The following SENP7 variants were observed in gnomAD, a reference collection of about 807,000 sequenced individuals.
SENP7 encodes SUMO specific peptidase 7.
A neutral mutation model predicts 141.2 loss-of-function variants in SENP7; 64 were observed. The ratio of observed to expected loss-of-function variants is 0.45; its 90% CI spans 0.37 to 0.56. The LOEUF (loss-of-function observed/expected upper bound fraction) is 0.56, where lower values mean the gene tolerates loss of function less well. Ranked by LOEUF, SENP7 falls within the 20% of genes least tolerant of loss-of-function variation. The probability of loss-of-function intolerance (pLI) is 0.00; values close to 1 mark genes in which losing one functional copy is unlikely to be tolerated. For synonymous variants in SENP7, 382 were observed against 426.4 expected, an observed-to-expected ratio of 0.90 and a Z score of 1.28; for missense variants, 1,025 against 1,212.2, an observed-to-expected ratio of 0.85 and a Z score of 2.29.
chr3:101,355,763 T>G (rs920182753), intron 11 of SENP7, among the ~76,000 whole-genome samples: 2 of 152,226 alleles, frequency 1.3e-5, no homozygotes, highest in African/African-American at 4.8e-5. Context: ...ATTGATAATT[T>G]GATAGGAATA....
At position 101,366,492 on chromosome 3, in the gene SENP7, A is replaced by G. The variant is rs139260875; in HGVS notation, c.1256T>C (p.Ile419Thr). ...VEKDENELNTIEKPILRGHNE... is the reference protein window; with the variant it reads ...VEKDENELNTTEKPILRGHNE... The stretch of plus-strand genomic sequence containing the variant: ...ATGTCCTCTTAGAATAGGCTTTTCT[A>G]TGGTATTCAACTCATTCTCATCCTT... Residue 419 changes from isoleucine to threonine, a missense_variant, in exon 9 of 24, where the codon ATA (isoleucine) becomes ACA (threonine). Ile to Thr is a moderately conservative substitution (Grantham distance 89, BLOSUM62 -1). Around this residue, in one of 4 missense-constraint regions of SENP7, gnomAD observed 496 missense variants for 503.5 expected, o/e 0.99. Transcript: ENST00000394095. The G allele has an allele frequency of 6.8e-5, 109 of 1,613,576 alleles. No homozygotes were observed. Among genetic ancestry groups the G allele is most frequent in the African/African-American group, 8.0e-5 (6 of 75,012 alleles).
At chr3:101,399,997 A>G (rs1215188607) in intron 5 of SENP7, among the ~76,000 whole-genome samples, 1 of 152,228 alleles carries the variant, frequency 6.6e-6, no homozygotes, top group African/African-American at 2.4e-5. Flanking sequence ...TAAGCCTGAT[A>G]TCTTCTTAAA....
In SENP7 at chr3:101,325,771, G is replaced by A; in HGVS notation, c.*172C>T. On this transcript the variant is annotated 3_prime_UTR_variant, in exon 24 of 24. Transcript: ENST00000394095. ...TCACCCCCATTCCCATTCCATCTAT[G>A]AGATCCCAACAATTCTAATAATGTG... is the stretch of plus-strand genomic sequence containing the variant. 2.3e-6 allele frequency: 1 copy of A among 443,454 alleles called. No homozygotes were observed. The highest frequency in any genetic ancestry group is 3.8e-6 in the Non-Finnish European group (1 of 264,262). 27.5% of individuals were successfully genotyped at this position (443,454 alleles called of 1,614,324 possible). A position where few individuals can be genotyped will look rare whatever the true frequency, so the allele number is the denominator to read the frequency against.
chr3:101,414,504 T>C, intron 5 of SENP7: 1 of 1,552,652 alleles, frequency 6.4e-7, no homozygotes, highest in Non-Finnish European at 8.9e-7. Flanking sequence ...CAATAGCTGC[T>C]GGGAGTAAGG....
intron 4 of SENP7, among the ~76,000 whole-genome samples, chr3:101,439,498 G>A (rs1228191397): frequency 1.4e-4 from 5 of 37,004 alleles, no homozygotes; most frequent in South Asian, 1.1e-3. Flanking sequence ...GGAGGGAGGT[G>A]GGGGGGTCAG....
At chr3:101,348,088 T>C (rs1314282658) in intron 12 of SENP7, 37 bp from the exon 13 acceptor site, 2 of 1,457,914 alleles carry the variant, frequency 1.4e-6, no homozygotes, top group Non-Finnish European at 1.9e-6. Context: ...AAAAAATTAA[T>C]CCATTTAAGA....
At chr3:101,451,021 T>A (rs548122211) in intron 4 of SENP7, among the ~76,000 whole-genome samples, 3 of 152,018 alleles carry the variant, frequency 2.0e-5, no homozygotes, top group African/African-American at 4.8e-5. Context: ...CAATAAAAAA[T>A]CATAAAGGGG....
At chr3:101,465,262 T>C (rs1342848603) in intron 3 of SENP7, among the ~76,000 whole-genome samples, 1 of 152,032 alleles carries the variant, frequency 6.6e-6, no homozygotes, top group Admixed American at 6.5e-5. Flanking sequence ...CTCAGACACA[T>C]GCCTTCCAAA....
chr3:101,511,883 G>C (rs1026348483), intron 1 of SENP7, among the ~76,000 whole-genome samples: 1 of 152,010 alleles, frequency 6.6e-6, no homozygotes, highest in African/African-American at 2.4e-5. Flanking sequence ...GCAGTGGTGC[G>C]ATCTCGGCTC....
intron 4 of SENP7, among the ~76,000 whole-genome samples, chr3:101,449,052 C>A (rs903523968): frequency 1.3e-5 from 2 of 152,098 alleles, no homozygotes; most frequent in Admixed American, 6.6e-5. Flanking sequence ...GAGCTGAAAA[C>A]CAAGGCACGA....
chr3:101,343,819 A>G lies in SENP7; in HGVS notation c.1973T>C (p.Val658Ala). 1 of 1,613,940 alleles carries G rather than the reference A, an allele frequency of 6.2e-7. No homozygotes were observed. Among genetic ancestry groups the G allele is most frequent in the African/African-American group, 1.3e-5 (1 of 75,042 alleles). Reference protein sequence around the residue: ...ELELSYPLSWVQAFPLFQNLS... With the variant: ...ELELSYPLSWAQAFPLFQNLS... ...GTTCTGAAACAAAGGAAATGCCTGA[A>G]CCCAAGACAACGGGTAAGAAAGCTC... Residue 658 changes from valine to alanine, a missense_variant, in exon 14 of 24, where the codon GTT becomes GCT. By Grantham distance (64) the Val-to-Ala change is moderately conservative (BLOSUM62 0). Coordinates refer to ENST00000394095, the MANE Select transcript of SENP7 (RefSeq NM_020654.5).
At chr3:101,503,997 G>A (rs1272607636) in intron 1 of SENP7, among the ~76,000 whole-genome samples, 1 of 151,672 alleles carries the variant, frequency 6.6e-6, no homozygotes, top group African/African-American at 2.4e-5. Flanking sequence ...TATGTGTACT[G>A]TATGGTACTT....
At chr3:101,506,932 G>A (rs1161972232) in intron 1 of SENP7, among the ~76,000 whole-genome samples, 2 of 151,964 alleles carry the variant, frequency 1.3e-5, no homozygotes, top group Non-Finnish European at 1.5e-5. Flanking sequence ...ATGATAGTGC[G>A]GGCCTGTAGT....
chr3:101,393,203 T>G (rs1220532122), intron 6 of SENP7, among the ~76,000 whole-genome samples: 4 of 152,044 alleles, frequency 2.6e-5, no homozygotes, highest in Non-Finnish European at 4.4e-5. Flanking sequence ...TCAAAATGGG[T>G]TAAAAATTTA....
intron 4 of SENP7, among the ~76,000 whole-genome samples, chr3:101,429,590 C>A: frequency 6.6e-6 from 1 of 152,184 alleles, no homozygotes; most frequent in East Asian, 1.9e-4. Flanking sequence ...AGATTTTGGG[C>A]TGAGACGATG....
intron 2 of SENP7, among the ~76,000 whole-genome samples, chr3:101,498,813 G>A (rs2065258409): frequency 6.6e-6 from 1 of 152,140 alleles, no homozygotes; most frequent in African/African-American, 2.4e-5. Flanking sequence ...GATTCTCATA[G>A]GAGCACAAAC....
intron 6 of SENP7, among the ~76,000 whole-genome samples, chr3:101,393,465 T>G (rs1022311974): frequency 6.6e-6 from 1 of 152,084 alleles, no homozygotes; most frequent in Non-Finnish European, 1.5e-5. Flanking sequence ...ATATCTAAAA[T>G]ATGTAAGGAA....
chr3:101,338,657 G>A (rs1161704623), intron 16 of SENP7, among the ~76,000 whole-genome samples: 3 of 152,258 alleles, frequency 2.0e-5, no homozygotes, highest in South Asian at 4.1e-4. Context: ...ATTAAACACC[G>A]AATGTATGTG....
chr3:101,426,667 G>C (rs1489435276), intron 4 of SENP7, among the ~76,000 whole-genome samples: 1 of 151,798 alleles, frequency 6.6e-6, no homozygotes, highest in African/African-American at 2.4e-5. Context: ...TTTCAGTAGG[G>C]ACGGGGGTTT....
Sources: allele counts gnomAD v4.1 joint callset (sites outside exome capture counted in the v4.1 genomes callset), GRCh38; gene constraint gnomAD v4.1.1; regional missense constraint gnomAD v4.1.1; transcripts MANE v1.5; gene names NCBI Gene and HGNC (gene_info 2026-07-23, HGNC 2026-07-21).